The following CRYBG1 variants were observed in gnomAD, a reference collection of about 807,000 sequenced individuals.
CRYBG1 encodes the protein beta/gamma crystallin domain-containing protein 1.
Under a neutral mutation model 189.2 loss-of-function variants are expected in CRYBG1, and 139 were observed. That is an observed-to-expected ratio of 0.73 (90% CI 0.64 to 0.85). The LOEUF (loss-of-function observed/expected upper bound fraction) is 0.85. Among genes scored for constraint, CRYBG1 ranks in the 40% least tolerant of loss-of-function variants. The pLI, the probability that CRYBG1 is intolerant of heterozygous loss-of-function variation, is 0.00. For missense variants in CRYBG1, 2,611 were observed against 2,675.8 expected (o/e 0.98, Z 0.53); for synonymous variants, 1,023 against 1,017.1 (o/e 1.01, Z -0.11).
At chr6:106,561,083 T>C (rs1774704057) in intron 19 of CRYBG1, among the ~76,000 whole-genome samples, 157 bp downstream of exon 19, 1 of 152,230 alleles carries the variant, frequency 6.6e-6, no homozygotes, top group African/African-American at 2.4e-5. Context: ...CAGTTTCTGG[T>C]GCTAAGAGGT....
chr6:106,411,860 CAGG>C (rs112641989), intron 1 of CRYBG1, among the ~76,000 whole-genome samples: 2 of 152,264 alleles, frequency 1.3e-5, no homozygotes, highest in African/African-American at 4.8e-5. Flanking sequence ...TGTCCAAGGG[CAGG>C]AGGAGAGGAA....
At chr6:106,387,292 G>GA (rs201815575) in intron 1 of CRYBG1, among the ~76,000 whole-genome samples, 2 of 144,100 alleles carry the variant, frequency 1.4e-5, no homozygotes, top group South Asian at 2.1e-4. Context: ...ACTCTGAATG[G>GA]AAAAAAATTT....
intron 1 of CRYBG1, among the ~76,000 whole-genome samples, chr6:106,444,586 G>A (rs1019768463): frequency 5.1e-4 from 77 of 152,106 alleles, no homozygotes; most frequent in African/African-American, 1.7e-3. Flanking sequence ...GGTTCTGGGC[G>A]AGTTTCATGG....
chr6:106,431,889 G>A (rs9480666), intron 1 of CRYBG1, among the ~76,000 whole-genome samples: 3,862 of 152,116 alleles, frequency 0.025, 162 homozygotes, highest in African/African-American at 0.088. Flanking sequence ...ACCAGATATC[G>A]TCATCAGATG....
intron 1 of CRYBG1, among the ~76,000 whole-genome samples, chr6:106,367,864 G>T (rs1352906526): frequency 6.6e-6 from 1 of 151,656 alleles, no homozygotes; most frequent in East Asian, 1.9e-4. Context: ...CTACTGGGGA[G>T]GCTGAAGTGG....
intron 1 of CRYBG1, among the ~76,000 whole-genome samples, chr6:106,367,995 A>C (rs1769922177): frequency 6.6e-6 from 1 of 152,152 alleles, no homozygotes; most frequent in Non-Finnish European, 1.5e-5. Flanking sequence ...TTGTAAGCTG[A>C]GATAGTGAGT....
intron 1 of CRYBG1, among the ~76,000 whole-genome samples, chr6:106,450,104 G>C (rs1340777708): frequency 6.6e-6 from 1 of 151,860 alleles, no homozygotes; most frequent in Non-Finnish European, 1.5e-5. Flanking sequence ...GCACATGCCT[G>C]TAATCCCAGC....
chr6:106,517,497 C>CAT lies in CRYBG1; in HGVS notation c.1923-1622_1923-1621dup, dbSNP rs759313309. ...ACATATATATATACACACACACACA[C>CAT]ATATATATATATACACACACACATA... On this transcript the variant is annotated intron_variant, in intron 3 of 21. Coordinates refer to ENST00000633556, the MANE Select transcript of CRYBG1 (RefSeq NM_001371242.2). Among the ~76,000 whole-genome samples, 788 of 141,822 alleles carry CAT rather than the reference C, an allele frequency of 5.6e-3. 8 individuals carry two copies. Among genetic ancestry groups the CAT allele is most frequent in the African/African-American group, 0.018 (697 of 38,074 alleles). The allele number at this position is 141,822 out of a possible 152,430, so 93.0% of individuals were successfully genotyped here.
chr6:106,514,076 G>A (rs904102436), intron 3 of CRYBG1, among the ~76,000 whole-genome samples: 1 of 152,208 alleles, frequency 6.6e-6, no homozygotes, highest in Non-Finnish European at 1.5e-5. Context: ...GTTACCATCT[G>A]TAAATCCTGG....
At chr6:106,363,169 G>A (rs1424891774) in intron 1 of CRYBG1, among the ~76,000 whole-genome samples, 20 of 147,748 alleles carry the variant, frequency 1.4e-4, no homozygotes, top group Admixed American at 9.6e-4. Context: ...GCGTGAACCC[G>A]GGAGGCGGAG....
intron 1 of CRYBG1, among the ~76,000 whole-genome samples, chr6:106,388,030 G>T (rs1454008582): frequency 6.6e-6 from 1 of 152,080 alleles, no homozygotes; most frequent in Non-Finnish European, 1.5e-5. Flanking sequence ...CATGTGTCCT[G>T]GTTTATGCCT....
At chr6:106,499,156 G>GC (rs1772929274) in intron 2 of CRYBG1, among the ~76,000 whole-genome samples, 1 of 121,076 alleles carries the variant, frequency 8.3e-6, no homozygotes, top group Non-Finnish European at 1.7e-5. Flanking sequence ...TTGTTTGTTT[G>GC]TTTTTTGCTT....
chr6:106,478,066 G>A (rs1056850053), intron 2 of CRYBG1, among the ~76,000 whole-genome samples: 1 of 152,230 alleles, frequency 6.6e-6, no homozygotes, highest in Admixed American at 6.5e-5. Context: ...CCCCTAAGCT[G>A]GGATGTGAGT....
chr6:106,421,393 A>G lies in CRYBG1; in HGVS notation c.174-30301A>G, dbSNP rs931220503. The stretch of plus-strand genomic sequence containing the variant: ...CTTGCCATGCCCTTGACAGAACTTC[A>G]TGTAAAATCATTTTTGGCAGTGGGG... On this transcript the variant is annotated intron_variant, in intron 1 of 21. Transcript: ENST00000633556. Among the ~76,000 whole-genome samples, 3 of 152,180 alleles carry G rather than the reference A, an allele frequency of 2.0e-5. No homozygotes were observed. In the South Asian group the frequency reaches 6.2e-4, roughly 31 times the overall value.
At chr6:106,436,766 A>G (rs9386542) in intron 1 of CRYBG1, among the ~76,000 whole-genome samples, 88,685 of 151,986 alleles carry the variant, frequency 0.58, 26,501 homozygotes, top group East Asian at 0.89. Flanking sequence ...CATATTATAA[A>G]TAGATCTTTG....
intron 1 of CRYBG1, among the ~76,000 whole-genome samples, chr6:106,427,582 A>G (rs1343418729): frequency 6.6e-6 from 1 of 152,194 alleles, no homozygotes; most frequent in African/African-American, 2.4e-5. Flanking sequence ...TGGATTATTC[A>G]AAGAGCAGCC....
intron 1 of CRYBG1, among the ~76,000 whole-genome samples, chr6:106,437,775 A>C (rs1368689954): frequency 6.6e-6 from 1 of 152,166 alleles, no homozygotes; most frequent in Non-Finnish European, 1.5e-5. Context: ...AATCGTAGGA[A>C]GTTGTTTTCC....
chr6:106,473,972 C>T (rs1454658314), intron 2 of CRYBG1, among the ~76,000 whole-genome samples: 1 of 152,170 alleles, frequency 6.6e-6, no homozygotes, highest in Non-Finnish European at 1.5e-5. Context: ...AAGAAGAACA[C>T]TACTTGCTTA....
chr6:106,378,531 A>G (rs924736522), intron 1 of CRYBG1, among the ~76,000 whole-genome samples: 2 of 152,206 alleles, frequency 1.3e-5, no homozygotes, highest in East Asian at 3.9e-4. Context: ...TGCTGCTACC[A>G]GGTTGCCCTC....
Sources: gnomAD v4.1 joint callset for allele counts (sites outside exome capture counted in the v4.1 genomes callset) on GRCh38, gnomAD v4.1.1 for gene constraint, MANE v1.5 for transcripts, NCBI Gene and HGNC (gene_info 2026-07-23, HGNC 2026-07-21) for gene names.